PPA2: variants seen among roughly 807,000 people sequenced by gnomAD.
The protein encoded by PPA2 is inorganic pyrophosphatase 2.
In PPA2, 48 loss-of-function variants were observed where a neutral mutation model predicts 49.5. The ratio of observed to expected loss-of-function variants is 0.97; its 90% confidence interval spans 0.77 to 1.23. PPA2 has a LOEUF of 1.23. PPA2 is among the 50% of genes most tolerant of loss of function. The pLI is 0.00. For synonymous variants in PPA2, 131 were observed against 139.9 expected, an observed-to-expected ratio of 0.94 and a Z score of 0.45; for missense variants, 429 against 410.1, an observed-to-expected ratio of 1.05 and a Z score of -0.40.
chr4:105,458,155 G>A (rs917473874), intron 1 of PPA2, among the ~76,000 whole-genome samples: 4 of 152,146 alleles, frequency 2.6e-5, no homozygotes, highest in African/African-American at 9.7e-5. Context: ...AAATAAATGA[G>A]AGAGAAGAAA....
intron 6 of PPA2, among the ~76,000 whole-genome samples, chr4:105,432,276 A>T (rs4698939): frequency 0.24 from 36,210 of 152,124 alleles, 4,619 homozygotes; most frequent in Non-Finnish European, 0.29. Context: ...TTCTATAATG[A>T]ACAAAATACT....
intron 7 of PPA2, among the ~76,000 whole-genome samples, chr4:105,406,715 C>T (rs969685692): frequency 6.6e-6 from 1 of 152,164 alleles, no homozygotes; most frequent in Non-Finnish European, 1.5e-5. Context: ...CCTCATTATA[C>T]TGGGTTTTGC....
At chr4:105,388,360 A>T (rs1312928552) in intron 9 of PPA2, among the ~76,000 whole-genome samples, 3 of 152,138 alleles carry the variant, frequency 2.0e-5, no homozygotes, top group African/African-American at 7.2e-5. Flanking sequence ...AATATTAGAA[A>T]AGAATGACAA....
chr4:105,379,647 T>C (rs1733404419), intron 10 of PPA2, among the ~76,000 whole-genome samples: 1 of 149,910 alleles, frequency 6.7e-6, no homozygotes, highest in Non-Finnish European at 1.5e-5. Context: ...TTTTTTTTTT[T>C]TTTTGAGACA....
At chr4:105,378,191 C>T (rs996244583) in intron 10 of PPA2, among the ~76,000 whole-genome samples, 13 of 152,116 alleles carry the variant, frequency 8.5e-5, no homozygotes, top group Non-Finnish European at 1.6e-4. Context: ...AGTTCCTCCA[C>T]GTCCTTGTTA....
intron 10 of PPA2, among the ~76,000 whole-genome samples, chr4:105,379,923 T>G (rs947516867): frequency 6.6e-6 from 1 of 152,140 alleles, no homozygotes; most frequent in Non-Finnish European, 1.5e-5. Flanking sequence ...CGTGAGCCAC[T>G]GTGCCCGGTC....
chr4:105,425,339 G>A (rs76475086), intron 6 of PPA2, among the ~76,000 whole-genome samples: 5,299 of 151,942 alleles, frequency 0.035, 276 homozygotes, highest in African/African-American at 0.11. Context: ...AAGATTTAAA[G>A]AAAAACATGA....
At chr4:105,444,784 C>T (rs950316664) in intron 5 of PPA2, among the ~76,000 whole-genome samples, 1 of 151,984 alleles carries the variant, frequency 6.6e-6, no homozygotes, top group African/African-American at 2.4e-5. Context: ...TCTTGATTGC[C>T]CCAATCAGAC....
chr4:105,440,398 A>T (rs990751395), intron 5 of PPA2, among the ~76,000 whole-genome samples: 14 of 151,852 alleles, frequency 9.2e-5, no homozygotes, highest in Non-Finnish European at 2.9e-5. Flanking sequence ...AGTGGCTGGA[A>T]CTACAGGCGC....
At chr4:105,402,258 G>GA (rs33989312) in intron 7 of PPA2, among the ~76,000 whole-genome samples, 19 of 146,874 alleles carry the variant, frequency 1.3e-4, no homozygotes, top group African/African-American at 2.5e-4. Flanking sequence ...AAACAAAAAA[G>GA]AAAAAAAAAA....
chr4:105,471,816 G>A (rs1010136582), intron 1 of PPA2, among the ~76,000 whole-genome samples: 1 of 152,126 alleles, frequency 6.6e-6, no homozygotes, highest in African/African-American at 2.4e-5. Context: ...TTCCAATCAG[G>A]ATCTTACCAT....
chr4:105,425,016 A>G (rs572951287), intron 6 of PPA2, among the ~76,000 whole-genome samples: 5 of 152,334 alleles, frequency 3.3e-5, no homozygotes, highest in African/African-American at 1.2e-4. Flanking sequence ...ATAGGCATGC[A>G]TTAATGGTAG....
chr4:105,381,977 G>A (rs1295696419), intron 10 of PPA2, among the ~76,000 whole-genome samples: 1 of 151,982 alleles, frequency 6.6e-6, no homozygotes, highest in Admixed American at 6.6e-5. Flanking sequence ...AAATGTACAA[G>A]TAATTGTTAA....
chr4:105,418,281 T>A (rs1723099134), intron 7 of PPA2, among the ~76,000 whole-genome samples: 1 of 152,182 alleles, frequency 6.6e-6, no homozygotes, highest in South Asian at 2.1e-4. Context: ...TTCCCCTAAA[T>A]GACAGTATTA....
intron 1 of PPA2, among the ~76,000 whole-genome samples, chr4:105,458,367 C>T (rs573049131): frequency 6.6e-6 from 1 of 152,174 alleles, no homozygotes; most frequent in Non-Finnish European, 1.5e-5. Context: ...TGTACAATGG[C>T]AATGGTAAAT....
chr4:105,380,331 A>T (rs1193617445), intron 10 of PPA2, among the ~76,000 whole-genome samples: 4 of 152,204 alleles, frequency 2.6e-5, no homozygotes, highest in Admixed American at 1.3e-4. Context: ...CTGTAGAATT[A>T]GCAGTGATAT....
chr4:105,436,186 A>T (rs190560451), intron 6 of PPA2, among the ~76,000 whole-genome samples: 40 of 152,066 alleles, frequency 2.6e-4, no homozygotes, highest in African/African-American at 8.4e-4. Flanking sequence ...GAACAAAATT[A>T]AAAAATCTCA....
intron 11 of PPA2, among the ~76,000 whole-genome samples, chr4:105,370,199 T>G (rs1446928808): frequency 1.3e-5 from 2 of 152,200 alleles, no homozygotes; most frequent in Non-Finnish European, 2.9e-5. Flanking sequence ...GTCTATGGAT[T>G]TACTCCTTTC....
intron 7 of PPA2, among the ~76,000 whole-genome samples, chr4:105,414,342 T>C (rs1722902944): frequency 6.6e-6 from 1 of 152,252 alleles, no homozygotes; most frequent in African/African-American, 2.4e-5. Flanking sequence ...TGGAAACCTC[T>C]GTGGCCAGTG....
Sources: allele counts gnomAD v4.1 joint callset (sites outside exome capture counted in the v4.1 genomes callset), GRCh38; gene constraint gnomAD v4.1.1; transcripts MANE v1.5; gene names NCBI Gene and HGNC (gene_info 2026-07-23, HGNC 2026-07-21).